LUZP2: variants seen among roughly 807,000 people sequenced by gnomAD.
LUZP2 encodes the protein leucine zipper protein 2.
A neutral mutation model predicts 51.6 loss-of-function variants in LUZP2; 52 were observed. That is an observed-to-expected ratio of 1.01 (90% CI 0.81 to 1.27). LUZP2 has a LOEUF of 1.27. LUZP2 is among the 50% of genes most tolerant of loss of function. The probability of loss-of-function intolerance (pLI) is 0.00; values close to 1 mark genes in which losing one functional copy is unlikely to be tolerated. For synonymous variants in LUZP2, 154 were observed against 137.3 expected (o/e 1.12, Z -0.85); for missense variants, 436 against 395.4 (o/e 1.10, Z -0.87).
At chr11:24,607,857 T>A (rs1014635662) in intron 1 of LUZP2, among the ~76,000 whole-genome samples, 2 of 151,772 alleles carry the variant, frequency 1.3e-5, no homozygotes, top group Non-Finnish European at 2.9e-5. Flanking sequence ...TTATTTTAGT[T>A]TTTATTTTTG....
intron 10 of LUZP2, among the ~76,000 whole-genome samples, chr11:25,072,825 T>C (rs117234694): frequency 8.3e-4 from 125 of 150,286 alleles, no homozygotes; most frequent in Non-Finnish European, 1.4e-3. Flanking sequence ...TCTTTAAATA[T>C]ATAAACACAA....
intron 9 of LUZP2, among the ~76,000 whole-genome samples, chr11:25,000,694 G>A (rs1011760104): frequency 5.9e-5 from 9 of 152,170 alleles, no homozygotes; most frequent in Non-Finnish European, 1.2e-4. Flanking sequence ...GCCTTTTCCT[G>A]TAAACACCGG....
chr11:24,917,769 G>A (rs1450691834), intron 7 of LUZP2, among the ~76,000 whole-genome samples: 1 of 152,158 alleles, frequency 6.6e-6, no homozygotes, highest in Admixed American at 6.6e-5. Context: ...CAGGTAGCAT[G>A]ATGTCTCCAG....
At chr11:24,662,974 T>C (rs1202251395) in intron 1 of LUZP2, among the ~76,000 whole-genome samples, 1 of 151,730 alleles carries the variant, frequency 6.6e-6, no homozygotes, top group African/African-American at 2.4e-5. Context: ...TTTAGAAAAA[T>C]AGGAAAGGGA....
At position 25,062,442 on chromosome 11, in the gene LUZP2, T is replaced by A. The variant is rs1277157276; in HGVS notation, c.858+12312T>A. 1.1e-3 allele frequency among the ~76,000 whole-genome samples: 104 copies of A among 96,632 alleles called. No individual in the cohort carries two copies. The East Asian group carries it at 0.034, about 32-fold the overall frequency. 63.4% of individuals were successfully genotyped at this position (96,632 alleles called of 152,430 possible). ...TCTATAAAGAATAAAAAAATATATA[T>A]ATCTGCATGTGGTGGCATTTGCCTG... On this transcript the variant is annotated intron_variant, in intron 10 of 11. Transcript: ENST00000336930.
intron 5 of LUZP2, among the ~76,000 whole-genome samples, chr11:24,804,441 T>C (rs1849792889): frequency 6.6e-6 from 1 of 152,136 alleles, no homozygotes; most frequent in African/African-American, 2.4e-5. Context: ...ATTCATTTAA[T>C]AATTACTGAC....
intron 1 of LUZP2, among the ~76,000 whole-genome samples, chr11:24,516,115 T>C (rs886259322): frequency 6.6e-6 from 1 of 151,520 alleles, no homozygotes; most frequent in Admixed American, 6.6e-5. Context: ...ATTTTTTTTT[T>C]CAGTTAAATT....
intron 5 of LUZP2, chr11:24,891,342 A>C (rs988513619): frequency 2.4e-5 from 22 of 918,118 alleles, no homozygotes; most frequent in Middle Eastern, 5.5e-4. Context: ...AGATATATAC[A>C]TACTGACATG....
intron 5 of LUZP2, among the ~76,000 whole-genome samples, chr11:24,820,702 T>G (rs1371039511): frequency 6.6e-6 from 1 of 152,128 alleles, no homozygotes; most frequent in Non-Finnish European, 1.5e-5. Flanking sequence ...GGGGCAAATA[T>G]GATTCAGAGA....
At chr11:24,795,217 A>G (rs987656971) in intron 5 of LUZP2, among the ~76,000 whole-genome samples, 3 of 152,104 alleles carry the variant, frequency 2.0e-5, no homozygotes, top group Admixed American at 6.6e-5. Flanking sequence ...ACAATTTGTC[A>G]TTATTCTTAT....
rs147932894 is a variant in LUZP2 at position 25,071,425 on chromosome 11, G to A, written c.859-5904G>A. On this transcript the variant is annotated intron_variant, in intron 10 of 11. Transcript: ENST00000336930. Reference sequence around the variant, plus strand: ...ATAAAATTAAAAAATAAAAATAAATGTAGGTGCTTTGTTGATCGAGTTTAA... The same window carrying A: ...ATAAAATTAAAAAATAAAAATAAATATAGGTGCTTTGTTGATCGAGTTTAA... Among the ~76,000 whole-genome samples the A allele has an allele frequency of 5.4e-3, 816 of 151,738 alleles. 10 individuals are homozygous for A. Among genetic ancestry groups the A allele is most frequent in the African/African-American group, 0.019 (776 of 41,388 alleles).
intron 10 of LUZP2, among the ~76,000 whole-genome samples, chr11:25,053,768 C>T (rs1858594824): frequency 6.6e-6 from 1 of 151,924 alleles, no homozygotes; most frequent in African/African-American, 2.4e-5. Context: ...TTGCATAAAC[C>T]ACTTTGTATG....
At chr11:24,895,679 G>C (rs1446996414) in intron 5 of LUZP2, among the ~76,000 whole-genome samples, 2 of 152,188 alleles carry the variant, frequency 1.3e-5, no homozygotes, top group Non-Finnish European at 2.9e-5. Context: ...TTGCTGCAAA[G>C]GACAAGACTT....
intron 5 of LUZP2, among the ~76,000 whole-genome samples, chr11:24,767,374 T>C (rs1340658982): frequency 6.6e-6 from 1 of 152,226 alleles, no homozygotes; most frequent in Non-Finnish European, 1.5e-5. Context: ...TAAATTGGGC[T>C]GTTCTGAACT....
chr11:24,777,094 A>T (rs1248826233), intron 5 of LUZP2, among the ~76,000 whole-genome samples: 1 of 150,256 alleles, frequency 6.7e-6, no homozygotes, highest in Non-Finnish European at 1.5e-5. Context: ...TCCCGGGTTC[A>T]TGCCATTCTC....
intron 9 of LUZP2, among the ~76,000 whole-genome samples, chr11:24,999,771 G>A (rs1293871336): frequency 6.6e-6 from 1 of 152,174 alleles, no homozygotes; most frequent in African/African-American, 2.4e-5. Context: ...GTCTTATTGT[G>A]TCCGGAATTG....
chr11:24,792,550 A>G (rs1473091804), intron 5 of LUZP2, among the ~76,000 whole-genome samples: 1 of 152,124 alleles, frequency 6.6e-6, no homozygotes, highest in East Asian at 1.9e-4. Flanking sequence ...ATATCTTTAT[A>G]AGAACTTAGT....
At chr11:24,726,072 C>T (rs1356595953) in intron 1 of LUZP2, among the ~76,000 whole-genome samples, 4 of 152,126 alleles carry the variant, frequency 2.6e-5, no homozygotes, top group African/African-American at 9.6e-5. Flanking sequence ...ATTTGAGGTA[C>T]CCAGTCTTAG....
intron 7 of LUZP2, among the ~76,000 whole-genome samples, chr11:24,947,971 G>C (rs1214772421): frequency 6.6e-6 from 1 of 151,632 alleles, no homozygotes; most frequent in Non-Finnish European, 1.5e-5. Context: ...GAAGATTGTT[G>C]ATCTTGTTGG....
Sources: gnomAD v4.1 joint callset for allele counts (sites outside exome capture counted in the v4.1 genomes callset) on GRCh38, gnomAD v4.1.1 for gene constraint, MANE v1.5 for transcripts, NCBI Gene and HGNC (gene_info 2026-07-23, HGNC 2026-07-21) for gene names.